IMMP2L: variants seen among roughly 807,000 people sequenced by gnomAD.
IMMP2L encodes the protein inner mitochondrial membrane peptidase subunit 2.
Under a neutral mutation model 19.3 loss-of-function variants are expected in IMMP2L, and 18 were observed. The ratio of observed to expected loss-of-function variants is 0.93; its 90% CI spans 0.64 to 1.38. The LOEUF (loss-of-function observed/expected upper bound fraction) is 1.38, where lower values mean the gene tolerates loss of function less well. Ranked by LOEUF, IMMP2L falls within the 40% of genes most tolerant of loss-of-function variation. The pLI, the probability that IMMP2L is intolerant of heterozygous loss-of-function variation, is 0.00. For synonymous variants in IMMP2L, 76 were observed against 73.0 expected (o/e 1.04, Z -0.21); for missense variants, 233 against 218.2 (o/e 1.07, Z -0.43).
chr7:111,232,031 A>C (rs1182569734), intron 3 of IMMP2L, among the ~76,000 whole-genome samples: 1 of 152,032 alleles, frequency 6.6e-6, no homozygotes, highest in Non-Finnish European at 1.5e-5. Context: ...ATAGAGACTT[A>C]GTATCACTCA....
intron 5 of IMMP2L, among the ~76,000 whole-genome samples, chr7:110,793,713 T>C (rs956921731): frequency 3.9e-5 from 6 of 152,080 alleles, no homozygotes; most frequent in Non-Finnish European, 8.8e-5. Flanking sequence ...GGAAATTTGC[T>C]GAGAGAGTAG....
intron 5 of IMMP2L, among the ~76,000 whole-genome samples, chr7:110,783,124 T>C (rs1490639346): frequency 1.3e-5 from 2 of 151,884 alleles, no homozygotes; most frequent in Non-Finnish European, 2.9e-5. Context: ...CTTTGTTTTC[T>C]ATCTTGGGTC....
At chr7:111,483,855 A>T (rs1420775862) in intron 3 of IMMP2L, 1 of 152,206 alleles carries the variant, frequency 6.6e-6, no homozygotes, top group Non-Finnish European at 1.5e-5. Context: ...TAGTACAGGC[A>T]ACTGAAGGCT....
intron 3 of IMMP2L, among the ~76,000 whole-genome samples, chr7:111,291,074 T>A (rs144473699): frequency 1.8e-4 from 28 of 152,250 alleles, no homozygotes; most frequent in Admixed American, 1.1e-3. Flanking sequence ...TATGTGACTT[T>A]AATTAGAAAC....
chr7:111,098,043 A>G (rs1011331307), intron 3 of IMMP2L, among the ~76,000 whole-genome samples: 1 of 151,874 alleles, frequency 6.6e-6, no homozygotes, highest in Non-Finnish European at 1.5e-5. Context: ...GGAAAGAGCA[A>G]AACAAGGTGA....
intron 3 of IMMP2L, among the ~76,000 whole-genome samples, chr7:111,158,612 G>A (rs1456317867): frequency 2.6e-5 from 4 of 152,070 alleles, no homozygotes; most frequent in Non-Finnish European, 5.9e-5. Context: ...ATACTCATGG[G>A]TGCTATACAA....
At chr7:111,516,855 G>A (rs149764097) in intron 2 of IMMP2L, among the ~76,000 whole-genome samples, 1 of 152,142 alleles carries the variant, frequency 6.6e-6, no homozygotes, top group Non-Finnish European at 1.5e-5. Flanking sequence ...TTCCTTTGAC[G>A]TCAGCCCCAG....
chr7:111,519,388 C>T (rs533063240), intron 2 of IMMP2L, among the ~76,000 whole-genome samples: 3 of 152,222 alleles, frequency 2.0e-5, no homozygotes, highest in South Asian at 2.1e-4. Flanking sequence ...AAGCTATTTT[C>T]CTATTACCAG....
chr7:111,557,821 G>C (rs1439040063), intron 1 of IMMP2L, among the ~76,000 whole-genome samples: 1 of 151,828 alleles, frequency 6.6e-6, no homozygotes, highest in Non-Finnish European at 1.5e-5. Context: ...GCTCAATGCA[G>C]ATAGATATAC....
intron 3 of IMMP2L, among the ~76,000 whole-genome samples, chr7:111,200,467 G>T (rs1451644383): frequency 3.3e-5 from 5 of 151,968 alleles, no homozygotes; most frequent in Non-Finnish European, 5.9e-5. Context: ...ATGAACAACA[G>T]AACATTTTGT....
At chr7:111,023,841 A>T (rs1411579777) in intron 3 of IMMP2L, among the ~76,000 whole-genome samples, 1 of 152,206 alleles carries the variant, frequency 6.6e-6, no homozygotes, top group Non-Finnish European at 1.5e-5. Flanking sequence ...TCACATATGC[A>T]TTGCTATGGA....
At chr7:110,936,577 T>C (rs1816133665) in intron 4 of IMMP2L, among the ~76,000 whole-genome samples, 1 of 152,170 alleles carries the variant, frequency 6.6e-6, no homozygotes. Flanking sequence ...TGTGGAGAAA[T>C]AGGAACACTT....
chr7:110,817,892 C>G (rs569367036), intron 5 of IMMP2L, among the ~76,000 whole-genome samples: 17 of 152,040 alleles, frequency 1.1e-4, no homozygotes, highest in African/African-American at 2.7e-4. Context: ...AATGGTGCTG[C>G]GAAAACTGGC....
At chr7:110,766,192 T>C (rs570023833) in intron 5 of IMMP2L, among the ~76,000 whole-genome samples, 2 of 152,338 alleles carry the variant, frequency 1.3e-5, no homozygotes, top group African/African-American at 4.8e-5. Flanking sequence ...AATAGTTTAA[T>C]TGGTGAAATA....
At position 111,484,270 on chromosome 7, in the gene IMMP2L, T is replaced by A. The variant is rs574091891; in HGVS notation, c.239+2968A>T. On this transcript the variant is annotated intron_variant, in intron 3 of 5. Coordinates refer to ENST00000405709, the MANE Select transcript of IMMP2L (RefSeq NM_032549.4). The stretch of plus-strand genomic sequence containing the variant: ...ACATTGTTATTGTTTTCATCAGTGC[T>A]CTGGTTATAAAGTTGAATAAGCCCT... Among the ~76,000 whole-genome samples the A allele has an allele frequency of 3.9e-5, 6 of 152,324 alleles. 1 individual carries two copies. The South Asian group carries it at 1.2e-3, about 32-fold the overall frequency.
chr7:111,197,220 T>C (rs977281899), intron 3 of IMMP2L, among the ~76,000 whole-genome samples: 3 of 152,056 alleles, frequency 2.0e-5, no homozygotes, highest in African/African-American at 7.2e-5. Flanking sequence ...CCCAGCACTT[T>C]GGAAGGCCAA....
intron 1 of IMMP2L, among the ~76,000 whole-genome samples, chr7:111,553,080 A>T (rs1790859628): frequency 6.6e-6 from 1 of 152,084 alleles, no homozygotes; most frequent in African/African-American, 2.4e-5. Flanking sequence ...GGACCCTCAA[A>T]TTGCTGACCC....
chr7:111,354,723 C>T (rs952736014), intron 3 of IMMP2L, among the ~76,000 whole-genome samples: 1 of 151,636 alleles, frequency 6.6e-6, no homozygotes, highest in South Asian at 2.1e-4. Context: ...CCTTCTTATA[C>T]ACAGAAATAA....
At position 111,124,574 on chromosome 7, in the gene IMMP2L, A is replaced by T. The variant is rs1167431276; in HGVS notation, c.240-161009T>A. The T allele has an allele frequency of 6.2e-7, 1 of 1,613,960 alleles. No homozygotes were observed. Among genetic ancestry groups the T allele is most frequent in the Non-Finnish European group, 8.5e-7 (1 of 1,180,000 alleles). On this transcript the variant is annotated intron_variant, in intron 3 of 5. Transcript: ENST00000405709. ...ATTGATATTCCCACCATCTATCAGA[A>T]AAACAGAAAAAAATGTGTAAATGTC... is the stretch of plus-strand genomic sequence containing the variant.
Sources: gnomAD v4.1 joint callset for allele counts (sites outside exome capture counted in the v4.1 genomes callset) on GRCh38, gnomAD v4.1.1 for gene constraint, MANE v1.5 for transcripts, NCBI Gene and HGNC (gene_info 2026-07-23, HGNC 2026-07-21) for gene names.